Variants in AOPEP observed in about 807,000 individuals in gnomAD.
AOPEP encodes the protein aminopeptidase O.
Under a neutral mutation model 98.1 loss-of-function variants are expected in AOPEP, and 77 were observed. The ratio of observed to expected loss-of-function variants is 0.78; its 90% CI spans 0.65 to 0.95. The LOEUF is 0.95. AOPEP is among the 40% of genes least tolerant of loss of function. The pLI is 0.00. For missense variants in AOPEP, 1,024 were observed against 1,024.7 expected (o/e 1.00, Z 0.01); for synonymous variants, 346 against 365.3 (o/e 0.95, Z 0.60).
intron 13 of AOPEP, among the ~76,000 whole-genome samples, chr9:95,039,424 G>T (rs2404305): frequency 0.77 from 116,499 of 151,778 alleles, 46,821 homozygotes; most frequent in Non-Finnish European, 0.89. Context: ...ACTAAAAAAT[G>T]ATGCAAGTGT....
intron 7 of AOPEP, among the ~76,000 whole-genome samples, chr9:94,929,970 C>A (rs916534629): frequency 6.6e-5 from 10 of 152,218 alleles, no homozygotes; most frequent in Admixed American, 5.9e-4. Flanking sequence ...AGGGCAGGGG[C>A]CAAGAGAGGC....
intron 6 of AOPEP, among the ~76,000 whole-genome samples, chr9:94,924,677 G>A (rs1382412): frequency 0.037 from 5,651 of 152,242 alleles, 131 homozygotes; most frequent in Admixed American, 0.068. Context: ...TGAAGCAGGG[G>A]CGGTATAGAT....
intron 1 of AOPEP, among the ~76,000 whole-genome samples, chr9:94,739,691 A>G (rs1252472013): frequency 6.6e-6 from 1 of 151,924 alleles, no homozygotes; most frequent in Non-Finnish European, 1.5e-5. Flanking sequence ...TGTAGTTATC[A>G]GTCCACTGCT....
chr9:94,877,739 G>A (rs2047126372), intron 5 of AOPEP, among the ~76,000 whole-genome samples: 1 of 152,086 alleles, frequency 6.6e-6, no homozygotes, highest in South Asian at 2.1e-4. Flanking sequence ...GATTTAATCT[G>A]GTAACATTAT....
chr9:95,057,697 C>A lies in AOPEP; in HGVS notation c.2116-2997C>A, dbSNP rs936779519. ...TTTTATTGTCTGTGTCCCAAAATAA[C>A]GTTTGTTCACTGATTTTTTTTCCCT... On this transcript the variant is annotated intron_variant, in intron 13 of 16. Transcript: ENST00000375315. Among the ~76,000 whole-genome samples the A allele has an allele frequency of 2.6e-5, 4 of 152,270 alleles. No homozygotes were observed. The South Asian group carries it at 6.2e-4, about 24-fold the overall frequency.
chr9:95,074,105 C>T (rs556336362), intron 14 of AOPEP, among the ~76,000 whole-genome samples: 2 of 152,312 alleles, frequency 1.3e-5, no homozygotes, highest in Admixed American at 6.5e-5. Context: ...GCCCCATCCT[C>T]ATAGCCAGTG....
chr9:95,124,100 T>A, the AOPEP span, among the ~76,000 whole-genome samples: 1 of 51,346 alleles, frequency 1.9e-5, no homozygotes, highest in Non-Finnish European at 3.6e-5. Context: ...TAAAACCTTG[T>A]CTCAAAAAAA....
At chr9:94,979,861 T>C (rs2060074687) in intron 11 of AOPEP, among the ~76,000 whole-genome samples, 1 of 152,202 alleles carries the variant, frequency 6.6e-6, no homozygotes, top group Non-Finnish European at 1.5e-5. Context: ...CGCCGTCGTC[T>C]GTCCTGCCCC....
chr9:94,887,185 A>G (rs2048339132), intron 5 of AOPEP, among the ~76,000 whole-genome samples: 2 of 151,982 alleles, frequency 1.3e-5, no homozygotes, highest in South Asian at 4.2e-4. Flanking sequence ...TCTCTACAAA[A>G]AATTAAAAAA....
intron 5 of AOPEP, among the ~76,000 whole-genome samples, chr9:94,833,489 A>G (rs892977696): frequency 6.6e-6 from 1 of 151,830 alleles, no homozygotes; most frequent in East Asian, 1.9e-4. Flanking sequence ...CACCCGCCTT[A>G]GCCTCCCAAA....
intron 5 of AOPEP, among the ~76,000 whole-genome samples, chr9:94,913,266 GGTTA>G (rs1344014227): frequency 6.6e-6 from 1 of 152,134 alleles, no homozygotes; most frequent in Admixed American, 6.5e-5. Flanking sequence ...TAAATGGAAA[GGTTA>G]GTTAAAATCA....
intron 5 of AOPEP, among the ~76,000 whole-genome samples, chr9:94,916,765 G>C (rs2052888958): frequency 6.6e-6 from 1 of 151,888 alleles, no homozygotes; most frequent in Non-Finnish European, 1.5e-5. Context: ...ATAAATATTT[G>C]TTCATATTGT....
intron 5 of AOPEP, among the ~76,000 whole-genome samples, chr9:94,825,326 G>C (rs1588415082): frequency 6.6e-6 from 1 of 152,176 alleles, no homozygotes; most frequent in South Asian, 2.1e-4. Context: ...CTTTACTTAC[G>C]AAGGCTGGGC....
At chr9:95,062,647 T>C (rs111478071) in intron 14 of AOPEP, among the ~76,000 whole-genome samples, 23 of 152,302 alleles carry the variant, frequency 1.5e-4, no homozygotes, top group African/African-American at 5.5e-4. Flanking sequence ...ATTCTTTCTA[T>C]GTGTGGTGCT....
the AOPEP span, chr9:95,142,617 A>G: frequency 6.9e-6 from 1 of 144,604 alleles, no homozygotes; most frequent in Admixed American, 6.9e-5. Context: ...ACCCATTTAA[A>G]TCTTAGTGTA....
intron 5 of AOPEP, among the ~76,000 whole-genome samples, chr9:94,851,195 G>A (rs1024654459): frequency 1.2e-4 from 18 of 152,274 alleles, no homozygotes; most frequent in South Asian, 6.2e-4. Context: ...TAGCCAAAGG[G>A]GTGCTCATTT....
intron 5 of AOPEP, among the ~76,000 whole-genome samples, chr9:94,828,405 G>T (rs1314938405): frequency 6.6e-6 from 1 of 152,190 alleles, no homozygotes; most frequent in Non-Finnish European, 1.5e-5. Flanking sequence ...TGTGTAAGGT[G>T]TGAGGAGGGG....
At chr9:94,884,354 C>T (rs76111496) in intron 5 of AOPEP, among the ~76,000 whole-genome samples, 5 of 152,082 alleles carry the variant, frequency 3.3e-5, no homozygotes, top group African/African-American at 1.2e-4. Flanking sequence ...TGAGTTTGTA[C>T]GGAATTGGCC....
chr9:94,741,008 G>A (rs1167795208), intron 1 of AOPEP, among the ~76,000 whole-genome samples: 1 of 152,150 alleles, frequency 6.6e-6, no homozygotes, highest in Non-Finnish European at 1.5e-5. Context: ...ACAATTGATT[G>A]TTACCTTAAA....
Sources: gnomAD v4.1 joint callset for allele counts (sites outside exome capture counted in the v4.1 genomes callset) on GRCh38, gnomAD v4.1.1 for gene constraint, MANE v1.5 for transcripts, NCBI Gene and HGNC (gene_info 2026-07-23, HGNC 2026-07-21) for gene names.